Variants in APMAP observed in about 807,000 individuals in gnomAD.
APMAP encodes the protein adipocyte plasma membrane-associated protein.
APMAP carries 33 observed loss-of-function variants against 43.6 expected under a neutral mutation model. That is an observed-to-expected ratio of 0.76 (90% CI 0.57 to 1.01). APMAP has a LOEUF of 1.01. Ranked by LOEUF, APMAP falls within the 50% of genes least tolerant of loss-of-function variation. The pLI is 0.00. For synonymous variants in APMAP, 224 were observed against 216.7 expected (o/e 1.03, Z -0.30); for missense variants, 498 against 540.7 (o/e 0.92, Z 0.78).
chr20:24,992,553 A>G, intron 1 of APMAP, 41 bp downstream of exon 1: 3 of 1,439,904 alleles, frequency 2.1e-6, no homozygotes, highest in Non-Finnish European at 2.8e-6. Context: ...CTCCACTCCT[A>G]GCGGCCCGGC....
At position 24,969,445 on chromosome 20, in the gene APMAP, G is replaced by A. The variant is rs1173896990; in HGVS notation, c.848+81C>T. ...TGCGCTGCTGCCTCTGATTTCTGTCGATCCCATTTCCATGCCCACCCCACC... is the reference window on the plus strand; with the variant it reads ...TGCGCTGCTGCCTCTGATTTCTGTCAATCCCATTTCCATGCCCACCCCACC... On this transcript the variant is annotated intron_variant, in intron 7 of 8. Coordinates refer to ENST00000217456, the MANE Select transcript of APMAP (RefSeq NM_020531.3). The A allele has an allele frequency of 1.8e-5, 28 of 1,516,144 alleles. No individual in the cohort carries two copies. The East Asian group carries it at 3.9e-4, about 21-fold the overall frequency. 93.9% of individuals were successfully genotyped at this position (1,516,144 alleles called of 1,614,324 possible). A position where few individuals can be genotyped will look rare whatever the true frequency, so the allele number is the denominator to read the frequency against.
intron 4 of APMAP, among the ~76,000 whole-genome samples, chr20:24,971,813 T>C (rs1405092084): frequency 6.6e-6 from 1 of 150,868 alleles, no homozygotes; most frequent in African/African-American, 2.4e-5. Context: ...CTGCAGGGTG[T>C]TCACTGTGGG....
intron 5 of APMAP, 107 bp from the exon 6 acceptor site, chr20:24,970,478 C>A: frequency 9.9e-7 from 1 of 1,011,226 alleles, no homozygotes. Context: ...TGAAACTTCT[C>A]CATGTCATTT....
chr20:24,978,770 CA>C lies in APMAP; in HGVS notation c.324del (p.Ile108MetfsTer4). The C allele has an allele frequency of 6.3e-7, 1 of 1,592,110 alleles. No homozygotes were observed. The highest frequency in any genetic ancestry group is 2.3e-5 in the East Asian group (1 of 44,380). ...QLVGPESIAH[I>X]GDVMFTGTAD... The stretch of plus-strand genomic sequence containing the variant: ...CCCCACCCAAGCTTAGACTTACCCC[CA>C]ATATGTGCTATGGACTCCGGTCCAA... On this transcript the variant is annotated frameshift_variant, in exon 3 of 9. Coordinates refer to ENST00000217456, the MANE Select transcript of APMAP (RefSeq NM_020531.3). LOFTEE classifies it high-confidence loss of function.
rs2088125120 is a variant in APMAP at position 24,983,887 on chromosome 20, C to A, written c.212+16G>T. On this transcript the variant is annotated intron_variant, in intron 2 of 8. Coordinates refer to ENST00000217456, the MANE Select transcript of APMAP (RefSeq NM_020531.3). ...TTTGTCAAGCAACCCCTCCTGAGGA[C>A]TGCGGGGCAGCCTACCTGAGAGGCT... The A allele has an allele frequency of 6.4e-7, 1 of 1,570,338 alleles. No homozygotes were observed. The highest frequency in any genetic ancestry group is 1.7e-5 in the Admixed American group (1 of 58,936).
chr20:24,971,625 T>C, intron 4 of APMAP, 49 bp from the exon 5 acceptor site: 1 of 1,451,360 alleles, frequency 6.9e-7, no homozygotes, highest in African/African-American at 1.4e-5. Flanking sequence ...GGATTCTACA[T>C]GTGCTGTTCT....
chr20:24,986,032 C>T (rs1028095600), intron 1 of APMAP, among the ~76,000 whole-genome samples: 4 of 152,240 alleles, frequency 2.6e-5, no homozygotes, highest in African/African-American at 7.2e-5. Context: ...GAAACTGGAC[C>T]CAGCTGAGGA....
chr20:24,988,699 TG>T (rs1209191707), intron 1 of APMAP, among the ~76,000 whole-genome samples: 1 of 152,220 alleles, frequency 6.6e-6, no homozygotes, highest in Non-Finnish European at 1.5e-5. Flanking sequence ...CATGTGCAGC[TG>T]GACACCACTA....
At chr20:24,971,835 A>G (rs1479314735) in intron 4 of APMAP, among the ~76,000 whole-genome samples, 1 of 150,578 alleles carries the variant, frequency 6.6e-6, no homozygotes, top group Non-Finnish European at 1.5e-5. Flanking sequence ...TGTTCACTGC[A>G]GGTGCTTATT....
At chr20:24,973,077 T>G (rs1172531118) in intron 4 of APMAP, among the ~76,000 whole-genome samples, 1 of 152,222 alleles carries the variant, frequency 6.6e-6, no homozygotes, top group Non-Finnish European at 1.5e-5. Flanking sequence ...TGTACCTTTG[T>G]GTTGTTTGTG....
chr20:24,971,631 G>A, intron 4 of APMAP, 55 bp from the exon 5 acceptor site: 4 of 1,388,432 alleles, frequency 2.9e-6, no homozygotes, highest in Non-Finnish European at 2.1e-6. Context: ...TACATGTGCT[G>A]TTCTCAGTAT....
chr20:24,967,475 A>G (rs969718073), intron 8 of APMAP, among the ~76,000 whole-genome samples: 1 of 152,188 alleles, frequency 6.6e-6, no homozygotes, highest in Non-Finnish European at 1.5e-5. Context: ...AATCAACGGT[A>G]CGTCCTCGCA....
intron 4 of APMAP, among the ~76,000 whole-genome samples, chr20:24,973,273 C>T (rs1052435130): frequency 6.6e-6 from 1 of 152,230 alleles, no homozygotes; most frequent in African/African-American, 2.4e-5. Context: ...AACACTTACA[C>T]ATCCAAGTAA....
chr20:24,992,197 A>C (rs1280018123), intron 1 of APMAP, among the ~76,000 whole-genome samples: 1 of 152,224 alleles, frequency 6.6e-6, no homozygotes, highest in African/African-American at 2.4e-5. Context: ...CCGGCCAAGT[A>C]GCTGTGCTCA....
chr20:24,971,515 C>T lies in APMAP; in HGVS notation c.483G>A (p.Gly161=). The part of the protein sequence containing the change: ...RPLGIRAGPN[G]TLFVADAYKG... ...TGTATGCATCGGCCACAAAGAGAGTCCCATTGGGCCCTGCACGGATACCCA... is the reference window on the plus strand; with the variant it reads ...TGTATGCATCGGCCACAAAGAGAGTTCCATTGGGCCCTGCACGGATACCCA... Residue 161 remains glycine, a synonymous_variant, in exon 5 of 9, where the codon GGG becomes GGA. Coordinates refer to ENST00000217456, the MANE Select transcript of APMAP (RefSeq NM_020531.3). 1 of 1,614,216 alleles carries T rather than the reference C, an allele frequency of 6.2e-7. No homozygotes were observed. The highest frequency in any genetic ancestry group is 8.5e-7 in the Non-Finnish European group (1 of 1,180,028).
chr20:24,968,468 A>C (rs927230399), intron 8 of APMAP, among the ~76,000 whole-genome samples: 6 of 152,136 alleles, frequency 3.9e-5, no homozygotes, highest in African/African-American at 1.4e-4. Flanking sequence ...GAGGGGAGGA[A>C]AGGGCACCTG....
At position 24,969,555 on chromosome 20, in the gene APMAP, C is replaced by A; in HGVS notation, c.819G>T (p.Val273=). ...GTATCCTGGCCATGGTTGTTTCTGC[C>A]ACCAGGACAAAGTCTTCTGCAGGAG... is the stretch of plus-strand genomic sequence containing the variant. ...QLSPAEDFVL[V]AETTMARIRR... The change falls in exon 7 of 9, where the codon GTG becomes GTT. Residue 273 remains valine (V), a synonymous_variant. Coordinates refer to ENST00000217456, the MANE Select transcript of APMAP (RefSeq NM_020531.3). 6.2e-7 allele frequency: 1 copy of A among 1,613,744 alleles called. No individual in the cohort carries two copies. Among genetic ancestry groups the A allele is most frequent in the Non-Finnish European group, 8.5e-7 (1 of 1,179,712 alleles).
chr20:24,971,498 T>G lies in APMAP; in HGVS notation c.500A>C (p.Asp167Ala). 6.2e-7 allele frequency: 1 copy of G among 1,614,216 alleles called. No individual in the cohort carries two copies. Among genetic ancestry groups the G allele is most frequent in the Non-Finnish European group, 8.5e-7 (1 of 1,180,026 alleles). The change falls in exon 5 of 9, where the codon GAT becomes GCT. Residue 167 changes from aspartate (D) to alanine (A), a missense_variant. Transcript: ENST00000217456. Reference protein sequence around the residue: ...AGPNGTLFVADAYKGLFEVNP... With the variant: ...AGPNGTLFVAAAYKGLFEVNP... Reference sequence around the variant, plus strand: ...TACTTCAAATAGTCCCTTGTATGCATCGGCCACAAAGAGAGTCCCATTGGG... The same window carrying G: ...TACTTCAAATAGTCCCTTGTATGCAGCGGCCACAAAGAGAGTCCCATTGGG...
intron 8 of APMAP, among the ~76,000 whole-genome samples, chr20:24,965,989 G>T (rs1331983793): frequency 2.0e-5 from 3 of 152,168 alleles, no homozygotes; most frequent in Non-Finnish European, 4.4e-5. Context: ...ACGCGTGCAG[G>T]TATATGTGAG....
Sources: gnomAD v4.1 joint callset for allele counts (sites outside exome capture counted in the v4.1 genomes callset) on GRCh38, gnomAD v4.1.1 for gene constraint, MANE v1.5 for transcripts, NCBI Gene and HGNC (gene_info 2026-07-23, HGNC 2026-07-21) for gene names.